RGL3: variants seen among roughly 807,000 people sequenced by gnomAD.
The protein encoded by RGL3 is ral guanine nucleotide dissociation stimulator like 3, also known as ral guanine nucleotide dissociation stimulator-like 3.
Under a neutral mutation model 90.6 loss-of-function variants are expected in RGL3, and 85 were observed. The ratio of observed to expected loss-of-function variants is 0.94; its 90% CI spans 0.79 to 1.12. RGL3 has a LOEUF of 1.12. Ranked by LOEUF, RGL3 falls within the 50% of genes most tolerant of loss-of-function variation. The pLI is 0.00. For missense variants in RGL3, 1,034 were observed against 939.2 expected, an observed-to-expected ratio of 1.10 and a Z score of -1.32; for synonymous variants, 408 against 385.5, an observed-to-expected ratio of 1.06 and a Z score of -0.68.
chr19:11,401,975 C>A, intron 13 of RGL3, 36 bp downstream of exon 13: 1 of 1,509,372 alleles, frequency 6.6e-7, no homozygotes, highest in Non-Finnish European at 8.8e-7. Context: ...CCAGGCTCAG[C>A]TGGGGTGGGG....
intron 5 of RGL3, among the ~76,000 whole-genome samples, chr19:11,410,172 A>AT (rs915767440): frequency 2.0e-5 from 3 of 147,490 alleles, no homozygotes; most frequent in African/African-American, 7.5e-5. Flanking sequence ...TTTATTTTTT[A>AT]TTTTTTTTAG....
At chr19:11,416,780 G>A (rs1378340910) in intron 3 of RGL3, 56 bp downstream of exon 3, 3 of 1,601,292 alleles carry the variant, frequency 1.9e-6, no homozygotes, top group Non-Finnish European at 2.6e-6. Flanking sequence ...GGTGGAGGGG[G>A]GTGCCCAGTT....
At chr19:11,410,256 T>C (rs1968850735) in intron 5 of RGL3, among the ~76,000 whole-genome samples, 1 of 151,916 alleles carries the variant, frequency 6.6e-6, no homozygotes, top group Non-Finnish European at 1.5e-5. Context: ...CTGCCTCGGC[T>C]TCCCAACGTG....
intron 18 of RGL3, among the ~76,000 whole-genome samples, chr19:11,396,156 ATATTTTTTTTTT>A (rs1198393735): frequency 0.01 from 526 of 51,324 alleles, 18 homozygotes; most frequent in African/African-American, 0.048. Context: ...ATATATATAT[ATATTTTTTTTTT>A]TTTTTTTTTT....
At chr19:11,397,390 GCCCCGGC>G in intron 17 of RGL3, 32 bp from the exon 18 acceptor site, 1 of 1,587,176 alleles carries the variant, frequency 6.3e-7, no homozygotes, top group Middle Eastern at 1.7e-4. Context: ...TGAGGTGAGG[GCCCCGGC>G]CCCAAGGGCA....
At position 11,415,967 on chromosome 19, in the gene RGL3, G is replaced by T; in HGVS notation, c.607C>A (p.Gln203Lys). The part of the protein sequence containing the change: ...EDFLEEAERE[Q>K]EEEPPQVWTG... ...CACACCTGAGGCGGCTCCTCTTCCT[G>T]CTCTCGCTCAGCCTCCTCCAAAAAA... Residue 203 changes from glutamine (Q) to lysine (K), a missense_variant, in exon 5 of 19, where the codon CAG becomes AAG. By Grantham distance (53) the Gln-to-Lys change is moderately conservative. Coordinates refer to ENST00000380456, the MANE Select transcript of RGL3 (RefSeq NM_001035223.4). 4.3e-6 allele frequency: 7 copies of T among 1,613,822 alleles called. No homozygotes were observed. The Middle Eastern group carries it at 6.6e-4, about 152-fold the overall frequency.
Position 11,406,700 on chromosome 19 carries a change from C to T in RGL3, c.780+22G>A, listed in dbSNP as rs757288815. Reference sequence around the variant, plus strand: ...CCTGTCCCCTCACTGTGGCTCATCCCGACCCTGTCCGGGATCCTCACCAAG... The same window carrying T: ...CCTGTCCCCTCACTGTGGCTCATCCTGACCCTGTCCGGGATCCTCACCAAG... On this transcript the variant is annotated intron_variant, in intron 6 of 18. Coordinates refer to ENST00000380456, the MANE Select transcript of RGL3 (RefSeq NM_001035223.4). 4 of 1,612,534 alleles carry T rather than the reference C, an allele frequency of 2.5e-6. No homozygotes were observed. In the South Asian group the frequency reaches 3.3e-5, roughly 13 times the overall value.
At chr19:11,412,262 A>G (rs555768610) in intron 5 of RGL3, among the ~76,000 whole-genome samples, 1 of 149,980 alleles carries the variant, frequency 6.7e-6, no homozygotes, top group East Asian at 2.0e-4. Flanking sequence ...CCTGGGCAAC[A>G]AGAGCGAAAC....
rs538248886 is a variant in RGL3, at chr19:11,412,847, T to C, written c.637+3090A>G. ...TGGGCCTGGTGGCGGGCGCCTGTAG[T>C]ACCAGCTACTCAGGAGGCTGAGGCA... is the stretch of plus-strand genomic sequence containing the variant. On this transcript the variant is annotated intron_variant, in intron 5 of 18. Transcript: ENST00000380456. Among the ~76,000 whole-genome samples, 354 of 152,150 alleles carry C rather than the reference T, an allele frequency of 2.3e-3. 3 individuals carry two copies. Among genetic ancestry groups the C allele is most frequent in the African/African-American group, 8.2e-3 (339 of 41,486 alleles).
chr19:11,414,490 CATAT>C (rs57862666), intron 5 of RGL3, among the ~76,000 whole-genome samples: 3,817 of 27,772 alleles, frequency 0.14, 316 homozygotes, highest in Non-Finnish European at 0.15. Flanking sequence ...TATACACCTT[CATAT>C]ATATATATAT....
At chr19:11,409,480 CAAAAAACAA>C (rs943368381) in intron 5 of RGL3, among the ~76,000 whole-genome samples, 2 of 145,148 alleles carry the variant, frequency 1.4e-5, no homozygotes, top group African/African-American at 2.6e-5. Context: ...GACTCCATCT[CAAAAAACAA>C]AACAAAACAA....
rs1035255645 is a variant in RGL3, at chr19:11,406,336, C to T, written c.996+83G>A. The T allele has an allele frequency of 6.8e-6, 9 of 1,329,672 alleles. No individual in the cohort carries two copies. The African/African-American group carries it at 1.0e-4, about 15-fold the overall frequency. The allele number at this position is 1,329,672 out of a possible 1,614,324, so 82.4% of individuals were successfully genotyped here. ...CCGTTCCCTCCCTCGCCTAGACTCG[C>T]CCCTATCTCTCTCCGGAGCCCTCAT... is the stretch of plus-strand genomic sequence containing the variant. On this transcript the variant is annotated intron_variant, in intron 7 of 18. Coordinates refer to ENST00000380456, the MANE Select transcript of RGL3 (RefSeq NM_001035223.4).
intron 2 of RGL3, among the ~76,000 whole-genome samples, chr19:11,417,464 GCAC>G (rs1969023764): frequency 7.3e-6 from 1 of 136,632 alleles, no homozygotes; most frequent in African/African-American, 2.8e-5. Context: ...CCAGCCCCTA[GCAC>G]CACTTTTTTT....
At chr19:11,414,609 G>A in intron 5 of RGL3, among the ~76,000 whole-genome samples, 1 of 146,536 alleles carries the variant, frequency 6.8e-6, no homozygotes. Flanking sequence ...TGGACAGGAA[G>A]GTGGCCACTA....
rs1226005424 is a variant in RGL3, at chr19:11,402,066, G to C, written c.1429C>G (p.His477Asp). 2 of 1,579,040 alleles carry C rather than the reference G, an allele frequency of 1.3e-6. No homozygotes were observed. The highest frequency in any genetic ancestry group is 1.7e-6 in the Non-Finnish European group (2 of 1,162,364). The change falls in exon 13 of 19, where the codon CAC becomes GAC. Residue 477 changes from histidine to aspartate, a missense_variant. His to Asp is a moderately conservative substitution (Grantham distance 81). Coordinates refer to ENST00000380456, the MANE Select transcript of RGL3 (RefSeq NM_001035223.4). ...RRCQSYTLSP[H>D]PPILAALHAQ... is the part of the protein sequence containing the mutation. ...TGCAGGGCAGCCAGGATGGGCGGGT[G>C]GGGGCTCAGGGTGTAGCTCTGACAG...
In RGL3 at chr19:11,405,336, C is replaced by G. The variant is rs144008613; in HGVS notation, c.1087G>C (p.Gly363Arg). The G allele has an allele frequency of 2.3e-4, 374 of 1,613,300 alleles. No individual in the cohort carries two copies. The highest frequency in any genetic ancestry group is 3.0e-4 in the Non-Finnish European group (349 of 1,179,752). The stretch of plus-strand genomic sequence containing the variant: ...GCCCCAGCTCACCGGCTCACTGCCC[C>G]CCAGCTGCGCTTGAGCCGGTAGATG... ...NPIYRLKRSW[G>R]AVSREPLSTF... The change falls in exon 8 of 19, where the codon GGG becomes CGG. Residue 363 changes from glycine (G) to arginine (R), a missense_variant. Transcript: ENST00000380456.
At chr19:11,416,346 C>T in intron 4 of RGL3, 198 bp from the exon 5 acceptor site, 1 of 617,462 alleles carries the variant, frequency 1.6e-6, no homozygotes, top group Admixed American at 2.9e-5. Context: ...GCCACCACAC[C>T]CAGCTACCTT....
intron 4 of RGL3, 40 bp from the exon 5 acceptor site, chr19:11,416,188 G>C (rs185361624): frequency 3.6e-6 from 5 of 1,397,826 alleles, no homozygotes; most frequent in Non-Finnish European, 4.8e-6. Flanking sequence ...GGTCCAGAGT[G>C]GGGGACATAG....
rs1202698723 is a variant in RGL3 at position 11,405,727 on chromosome 19, G to C, written c.997-301C>G. 2.7e-5 allele frequency among the ~76,000 whole-genome samples: 4 copies of C among 149,330 alleles called. No individual in the cohort carries two copies. The South Asian group carries it at 8.5e-4, about 32-fold the overall frequency. ...TTATTAATTATTTGGACAGAGTCTC[G>C]CTTTATCCCCCAGGCTGGAATGCAG... On this transcript the variant is annotated intron_variant, in intron 7 of 18. Coordinates refer to ENST00000380456, the MANE Select transcript of RGL3 (RefSeq NM_001035223.4).
Sources: allele counts gnomAD v4.1 joint callset (sites outside exome capture counted in the v4.1 genomes callset), GRCh38; gene constraint gnomAD v4.1.1; transcripts MANE v1.5; gene names NCBI Gene and HGNC (gene_info 2026-07-23, HGNC 2026-07-21).